The following THSD4 variants were observed in gnomAD, a reference collection of about 807,000 sequenced individuals.
THSD4 encodes thrombospondin type-1 domain-containing protein 4.
In THSD4, 69 loss-of-function variants were observed where a neutral mutation model predicts 119.0. That is an observed-to-expected ratio of 0.58 (90% CI 0.48 to 0.71). The LOEUF is 0.71. Ranked by LOEUF, THSD4 falls within the 30% of genes least tolerant of loss-of-function variation. THSD4 has a pLI of 0.00. For missense variants in THSD4, 1,393 were observed against 1,391.1 expected, an observed-to-expected ratio of 1.00 and a Z score of -0.02; for synonymous variants, 524 against 540.4, an observed-to-expected ratio of 0.97 and a Z score of 0.42.
intron 6 of THSD4, among the ~76,000 whole-genome samples, chr15:71,357,344 G>C (rs1346003151): frequency 6.6e-6 from 1 of 152,196 alleles, no homozygotes. Context: ...AGGTGTTGCT[G>C]AGAGGGCTGG....
chr15:71,284,965 A>G (rs1340899441), intron 6 of THSD4, among the ~76,000 whole-genome samples: 1 of 152,152 alleles, frequency 6.6e-6, no homozygotes. Flanking sequence ...CAATGTTTCT[A>G]CAAACTAATA....
chr15:71,469,569 A>G (rs185996715), intron 7 of THSD4, among the ~76,000 whole-genome samples: 198 of 152,300 alleles, frequency 1.3e-3, no homozygotes, highest in African/African-American at 4.6e-3. Context: ...CGGCGAAGTG[A>G]GGCACAGGTG....
intron 2 of THSD4, among the ~76,000 whole-genome samples, chr15:71,152,865 C>T (rs1449917297): frequency 1.3e-5 from 2 of 152,146 alleles, no homozygotes; most frequent in Admixed American, 1.3e-4. Context: ...CCCCAGCTCC[C>T]GTACTCCATG....
At chr15:71,318,479 A>G (rs1342775975) in intron 6 of THSD4, among the ~76,000 whole-genome samples, 1 of 152,204 alleles carries the variant, frequency 6.6e-6, no homozygotes, top group Admixed American at 6.5e-5. Flanking sequence ...TCTTTTACTC[A>G]TTAAGTTCCT....
intron 7 of THSD4, among the ~76,000 whole-genome samples, chr15:71,593,707 C>T (rs1449379323): frequency 6.6e-6 from 1 of 151,980 alleles, no homozygotes; most frequent in African/African-American, 2.4e-5. Flanking sequence ...ACCAACCAAC[C>T]TGGGCAACAT....
chr15:71,527,714 T>TTTC (rs2048544819), intron 7 of THSD4, among the ~76,000 whole-genome samples: 1 of 124,606 alleles, frequency 8.0e-6, no homozygotes, highest in Non-Finnish European at 1.5e-5. Context: ...TCCTCTTTTT[T>TTTC]TTTTTTTTTT....
Position 71,379,709 on chromosome 15 carries a change from C to T in THSD4, c.1016-31978C>T, listed in dbSNP as rs189741103. Among the ~76,000 whole-genome samples the T allele has an allele frequency of 4.0e-3, 604 of 151,826 alleles. 10 individuals carry two copies. The highest frequency in any genetic ancestry group is 0.026 in the South Asian group (127 of 4,794). ...TCCTGACCCCGTGATCCACCCGCCT[C>T]GGCCTCCCAAAGTGCTGGGATTACA... On this transcript the variant is annotated intron_variant, in intron 6 of 17. Coordinates refer to ENST00000261862, the MANE Select transcript of THSD4 (RefSeq NM_024817.3).
intron 6 of THSD4, among the ~76,000 whole-genome samples, chr15:71,300,404 T>C (rs940791784): frequency 1.3e-5 from 2 of 152,178 alleles, no homozygotes; most frequent in Non-Finnish European, 2.9e-5. Context: ...GTTTCTCTTC[T>C]GGTTAGGTTT....
rs536702232 is a variant in THSD4 at position 71,101,290 on chromosome 15, C to T, written c.-80+4284C>T. On this transcript the variant is annotated intron_variant, in intron 1 of 17. Coordinates refer to the THSD4 transcript ENST00000355327. ...TTTCAAGAGGAGTACTCAATTCTTG[C>T]ATTAAATTTAAATGGTATAAACACA... Among the ~76,000 whole-genome samples, 598 of 152,114 alleles carry T rather than the reference C, an allele frequency of 3.9e-3. 7 individuals are homozygous for T. The highest frequency in any genetic ancestry group is 3.1e-3 in the Non-Finnish European group (209 of 68,000).
At chr15:71,393,062 C>T (rs1396069029) in intron 6 of THSD4, among the ~76,000 whole-genome samples, 3 of 152,186 alleles carry the variant, frequency 2.0e-5, no homozygotes, top group African/African-American at 7.2e-5. Context: ...AAGTGAAATG[C>T]TTGCATTTGA....
At chr15:71,321,060 A>G (rs1026950535) in intron 6 of THSD4, among the ~76,000 whole-genome samples, 5 of 152,364 alleles carry the variant, frequency 3.3e-5, no homozygotes, top group African/African-American at 7.2e-5. Flanking sequence ...AACTGCTGTC[A>G]TAACAGCTGC....
intron 5 of THSD4, among the ~76,000 whole-genome samples, chr15:71,243,743 A>G (rs147681351): frequency 4.0e-4 from 60 of 149,232 alleles, no homozygotes; most frequent in African/African-American, 1.3e-3. Context: ...AATATCTACC[A>G]TTATTAAAAA....
At chr15:71,137,954 G>A (rs899458715) in intron 1 of THSD4, among the ~76,000 whole-genome samples, 11 of 152,032 alleles carry the variant, frequency 7.2e-5, no homozygotes, top group East Asian at 1.9e-4. Context: ...ATGTTTTTCC[G>A]GTTGACATCT....
Position 71,553,035 on chromosome 15 carries a change from C to G in THSD4, c.1153-107495C>G, listed in dbSNP as rs116499071. Among the ~76,000 whole-genome samples the G allele has an allele frequency of 3.3e-3, 509 of 152,318 alleles. 4 individuals are homozygous for G. Among genetic ancestry groups the G allele is most frequent in the African/African-American group, 0.012 (487 of 41,562 alleles). ...TTCTTCTTTACCCTCATTCTCTCCC[C>G]TATCCTTCTTCCCTGCCAAGATGAA... On this transcript the variant is annotated intron_variant, in intron 7 of 17. Coordinates refer to ENST00000261862, the MANE Select transcript of THSD4 (RefSeq NM_024817.3).
intron 14 of THSD4, among the ~76,000 whole-genome samples, chr15:71,751,386 C>T (rs1245716970): frequency 1.3e-5 from 2 of 152,054 alleles, no homozygotes; most frequent in African/African-American, 2.4e-5. Context: ...TGCTCCAAAC[C>T]TCTTCACCAA....
intron 5 of THSD4, among the ~76,000 whole-genome samples, chr15:71,256,165 A>C (rs1317242639): frequency 6.6e-6 from 1 of 152,196 alleles, no homozygotes; most frequent in Non-Finnish European, 1.5e-5. Flanking sequence ...TTTAGGTAGA[A>C]GAGGGCTGGT....
chr15:71,628,301 A>G lies in THSD4; in HGVS notation c.1153-32229A>G, dbSNP rs150738411. Among the ~76,000 whole-genome samples the G allele has an allele frequency of 5.3e-5, 8 of 152,326 alleles. No individual in the cohort carries two copies. The East Asian group carries it at 1.3e-3, about 26-fold the overall frequency. On this transcript the variant is annotated intron_variant, in intron 7 of 17. Transcript: ENST00000261862. ...TAAAAAAGGAAAGGCTGAGAATGACACACAGCCTTACTTGAAACCTTCTTA... is the reference window on the plus strand; with the variant it reads ...TAAAAAAGGAAAGGCTGAGAATGACGCACAGCCTTACTTGAAACCTTCTTA...
intron 3 of THSD4, among the ~76,000 whole-genome samples, chr15:71,206,223 G>A (rs2043842686): frequency 6.6e-6 from 1 of 152,088 alleles, no homozygotes; most frequent in Non-Finnish European, 1.5e-5. Flanking sequence ...CGTTGGCCAG[G>A]CTAGTCTTGA....
At chr15:71,495,650 A>G (rs1176074488) in intron 7 of THSD4, among the ~76,000 whole-genome samples, 1 of 152,230 alleles carries the variant, frequency 6.6e-6, no homozygotes, top group Non-Finnish European at 1.5e-5. Context: ...GTAAAGGATT[A>G]AAATGAGTGT....
Sources: allele counts gnomAD v4.1 joint callset (sites outside exome capture counted in the v4.1 genomes callset), GRCh38; gene constraint gnomAD v4.1.1; transcripts MANE v1.5; gene names NCBI Gene and HGNC (gene_info 2026-07-23, HGNC 2026-07-21).